ARMC2: variants seen among roughly 807,000 people sequenced by gnomAD.
ARMC2 encodes the protein armadillo repeat containing 2.
A neutral mutation model predicts 90.3 loss-of-function variants in ARMC2; 67 were observed. The ratio of observed to expected loss-of-function variants is 0.74; its 90% CI spans 0.61 to 0.91. ARMC2 has a LOEUF of 0.91. Among genes scored for constraint, ARMC2 ranks in the 40% least tolerant of loss-of-function variants. ARMC2 has a pLI of 0.00. For missense variants in ARMC2, 920 were observed against 1,030.9 expected (o/e 0.89, Z 1.47); for synonymous variants, 393 against 393.0 (o/e 1.00, Z 0.00).
the ARMC2 span, among the ~76,000 whole-genome samples, chr6:109,038,978 AAAG>A: frequency 3.4e-4 from 52 of 151,054 alleles, no homozygotes; most frequent in East Asian, 4.1e-3. Context: ...AGGAAAAGAA[AAAG>A]AAGAAGGAGG....
At chr6:108,901,679 A>G (rs1317741534) in intron 7 of ARMC2, among the ~76,000 whole-genome samples, 1 of 152,128 alleles carries the variant, frequency 6.6e-6, no homozygotes, top group Non-Finnish European at 1.5e-5. Context: ...GGCCTTCCAA[A>G]GTTTTGGGAT....
At chr6:108,893,635 C>T (rs1008204799) in intron 5 of ARMC2, among the ~76,000 whole-genome samples, 3 of 152,170 alleles carry the variant, frequency 2.0e-5, no homozygotes, top group African/African-American at 4.8e-5. Flanking sequence ...ATTTTTTGTT[C>T]TTTCTAGTAA....
intron 4 of ARMC2, among the ~76,000 whole-genome samples, chr6:108,873,022 C>T (rs1480251120): frequency 6.6e-6 from 1 of 152,246 alleles, no homozygotes; most frequent in Non-Finnish European, 1.5e-5. Context: ...CTTTTGGGAA[C>T]ACAATTTGGG....
At chr6:108,937,836 AG>A (rs1776077391) in intron 12 of ARMC2, among the ~76,000 whole-genome samples, 1 of 152,064 alleles carries the variant, frequency 6.6e-6, no homozygotes, top group Non-Finnish European at 1.5e-5. Flanking sequence ...CTGGGACTAC[AG>A]GCGTGCCACC....
At chr6:109,043,990 T>C in the ARMC2 span, among the ~76,000 whole-genome samples, 3 of 151,870 alleles carry the variant, frequency 2.0e-5, no homozygotes, top group African/African-American at 7.3e-5. Context: ...AGCCCAGAAA[T>C]AGACTGATAA....
At chr6:108,983,500 A>G in the ARMC2 span, among the ~76,000 whole-genome samples, 1 of 152,190 alleles carries the variant, frequency 6.6e-6, no homozygotes, top group East Asian at 1.9e-4. Flanking sequence ...CATTTGTTAA[A>G]GAGACTGTCC....
intron 12 of ARMC2, among the ~76,000 whole-genome samples, chr6:108,944,784 T>A (rs1235242997): frequency 6.6e-6 from 1 of 151,798 alleles, no homozygotes; most frequent in East Asian, 1.9e-4. Flanking sequence ...TCCGTTTCCA[T>A]CTGTATGTGA....
chr6:108,879,973 A>T (rs1214114710), intron 5 of ARMC2: 1 of 469,450 alleles, frequency 2.1e-6, no homozygotes, highest in East Asian at 6.9e-5. Flanking sequence ...TGAAAGCCTT[A>T]CTAATAAACT....
the ARMC2 span, chr6:109,009,442 C>T: frequency 1.5e-6 from 2 of 1,362,486 alleles, no homozygotes; most frequent in Non-Finnish European, 1.9e-6. Flanking sequence ...GCCTCGTTCG[C>T]GGCGGCGGCC....
chr6:108,984,307 G>A, the ARMC2 span, among the ~76,000 whole-genome samples: 4 of 152,262 alleles, frequency 2.6e-5, no homozygotes, highest in Non-Finnish European at 5.9e-5. Flanking sequence ...CCTTAGACTG[G>A]GTAATTTATA....
At chr6:108,881,471 C>A (rs1777577290) in intron 5 of ARMC2, among the ~76,000 whole-genome samples, 1 of 152,056 alleles carries the variant, frequency 6.6e-6, no homozygotes, top group African/African-American at 2.4e-5. Context: ...TGGACACATA[C>A]CTTCTCAGAC....
In ARMC2 at chr6:108,854,414, G is replaced by A; in HGVS notation, c.147G>A (p.Gln49=). Residue 49 remains glutamine (Q), a synonymous_variant, in exon 2 of 18, where the codon CAG becomes CAA. Transcript: ENST00000392644. ...GAACCCAAAGACCATTTACACCACA[G>A]GAGGCTCAAAGAAAACTATTCGGAC... ...TVRTQRPFTP[Q]EAQRKLFGPA... The A allele has an allele frequency of 6.2e-7, 1 of 1,613,436 alleles. No individual in the cohort carries two copies. The highest frequency in any genetic ancestry group is 1.3e-5 in the African/African-American group (1 of 74,848).
intron 17 of ARMC2, 59 bp downstream of exon 17, chr6:108,965,199 T>C (rs1318036942): frequency 2.7e-6 from 4 of 1,466,032 alleles, no homozygotes; most frequent in Admixed American, 1.8e-5. Flanking sequence ...ATAGTTTTTT[T>C]CTGTGACCTG....
chr6:108,898,143 A>G (rs535363058), intron 6 of ARMC2, among the ~76,000 whole-genome samples: 1 of 152,288 alleles, frequency 6.6e-6, no homozygotes, highest in South Asian at 2.1e-4. Context: ...ATTCAAACCC[A>G]GATGGTGACT....
At chr6:108,900,301 C>T (rs1453127581) in intron 7 of ARMC2, among the ~76,000 whole-genome samples, 1 of 152,214 alleles carries the variant, frequency 6.6e-6, no homozygotes, top group East Asian at 1.9e-4. Flanking sequence ...ATGTGTCCCA[C>T]CCTTGCGCTC....
chr6:108,991,888 T>TC, the ARMC2 span, among the ~76,000 whole-genome samples: 2 of 152,014 alleles, frequency 1.3e-5, no homozygotes, highest in Admixed American at 1.3e-4. Flanking sequence ...AGCCAACCAA[T>TC]CTCTTTATAA....
In ARMC2 at chr6:108,899,821, C is replaced by T. The variant is rs375720419; in HGVS notation, c.847+29C>T. ...AAACACAAACAAACAAACAAAAAACCGTTTTTGTTTTTTTTTTAAAAAATA... is the reference window on the plus strand; with the variant it reads ...AAACACAAACAAACAAACAAAAAACTGTTTTTGTTTTTTTTTTAAAAAATA... On this transcript the variant is annotated intron_variant, in intron 7 of 17. Transcript: ENST00000392644. 37 of 1,548,522 alleles carry T rather than the reference C, an allele frequency of 2.4e-5. No homozygotes were observed. The South Asian group carries it at 3.1e-4, about 13-fold the overall frequency.
intron 3 of ARMC2, among the ~76,000 whole-genome samples, chr6:108,862,160 A>G (rs562633061): frequency 6.6e-6 from 1 of 152,206 alleles, no homozygotes; most frequent in Non-Finnish European, 1.5e-5. Flanking sequence ...CCTGGCCAAC[A>G]TGGTGAAACC....
chr6:108,849,410 AAGG>A (rs1477798473), intron 1 of ARMC2, among the ~76,000 whole-genome samples: 4 of 152,224 alleles, frequency 2.6e-5, no homozygotes, highest in Non-Finnish European at 5.9e-5. Context: ...CACCTTTTAA[AAGG>A]AGAAGTACGT....
Sources: gnomAD v4.1 joint callset for allele counts (sites outside exome capture counted in the v4.1 genomes callset) on GRCh38, gnomAD v4.1.1 for gene constraint, MANE v1.5 for transcripts, NCBI Gene and HGNC (gene_info 2026-07-23, HGNC 2026-07-21) for gene names.